The following FARP2 variants were observed in gnomAD, a reference collection of about 807,000 sequenced individuals.
The protein encoded by FARP2 is FERM, ARH/RhoGEF and pleckstrin domain protein 2, also known as FERM, ARHGEF and pleckstrin domain-containing protein 2.
A neutral mutation model predicts 130.5 loss-of-function variants in FARP2; 111 were observed. The observed-to-expected ratio is 0.85, with a 90% CI of 0.73 to 1.00. The LOEUF (loss-of-function observed/expected upper bound fraction) is 1.00. Among genes scored for constraint, FARP2 ranks in the 50% least tolerant of loss-of-function variants. FARP2 has a pLI of 0.00. For missense variants in FARP2, 1,385 were observed against 1,346.3 expected (o/e 1.03, Z -0.45); for synonymous variants, 504 against 516.9 (o/e 0.98, Z 0.34).
At chr2:241,363,651 C>T (rs1016614172) in intron 1 of FARP2, among the ~76,000 whole-genome samples, 2 of 152,186 alleles carry the variant, frequency 1.3e-5, no homozygotes, top group Non-Finnish European at 2.9e-5. Context: ...AGGCTGGCCA[C>T]CAAGCAAGTA....
chr2:241,472,896 T>C (rs1051501584), intron 18 of FARP2, among the ~76,000 whole-genome samples: 4 of 149,722 alleles, frequency 2.7e-5, no homozygotes, highest in African/African-American at 9.9e-5. Context: ...GGAACCTCTT[T>C]TGAGGGGGAT....
intron 13 of FARP2, among the ~76,000 whole-genome samples, chr2:241,455,612 C>G (rs1276006315): frequency 6.6e-6 from 1 of 151,442 alleles, no homozygotes; most frequent in Non-Finnish European, 1.5e-5. Flanking sequence ...TAACTCCTGA[C>G]GTCAGGTGGT....
intron 21 of FARP2, among the ~76,000 whole-genome samples, chr2:241,484,580 G>A (rs2064706215): frequency 6.6e-6 from 1 of 152,190 alleles, no homozygotes; most frequent in South Asian, 2.1e-4. Flanking sequence ...GGGAAACCTG[G>A]ACTCAGCCTG....
intron 2 of FARP2, among the ~76,000 whole-genome samples, chr2:241,399,329 G>A (rs554830623): frequency 2.6e-5 from 4 of 152,100 alleles, no homozygotes; most frequent in East Asian, 1.9e-4. Flanking sequence ...TTTTTGAGAC[G>A]GAGTCTAGCT....
At chr2:241,368,081 C>T (rs2061352519) in intron 1 of FARP2, among the ~76,000 whole-genome samples, 1 of 151,918 alleles carries the variant, frequency 6.6e-6, no homozygotes, top group South Asian at 2.1e-4. Context: ...GACTTTTGAG[C>T]TGAATTTTCC....
intron 1 of FARP2, among the ~76,000 whole-genome samples, chr2:241,358,564 C>T (rs904824397): frequency 1.3e-5 from 2 of 152,182 alleles, no homozygotes; most frequent in African/African-American, 4.8e-5. Flanking sequence ...ATTTTTCTTA[C>T]TGCTGCTTGT....
At chr2:241,442,044 T>A in intron 13 of FARP2, 1 of 359,304 alleles carries the variant, frequency 2.8e-6, no homozygotes, top group Non-Finnish European at 5.5e-6. Flanking sequence ...GTGACTTCAA[T>A]GGGAACGCAC....
intron 2 of FARP2, among the ~76,000 whole-genome samples, chr2:241,391,279 C>A (rs2061897447): frequency 6.6e-6 from 1 of 152,166 alleles, no homozygotes; most frequent in Non-Finnish European, 1.5e-5. Context: ...CTAAAACAAG[C>A]CAGTTAGTAG....
intron 8 of FARP2, among the ~76,000 whole-genome samples, chr2:241,422,714 A>G (rs749111845): frequency 1.1e-4 from 16 of 152,200 alleles, no homozygotes; most frequent in Non-Finnish European, 1.9e-4. Context: ...AATGCAAAGA[A>G]GCTAAGGACC....
chr2:241,480,250 ATCT>A (rs779403941), intron 19 of FARP2, among the ~76,000 whole-genome samples: 4 of 136,046 alleles, frequency 2.9e-5, no homozygotes, highest in South Asian at 2.6e-4. Flanking sequence ...CCTAGGCCTC[ATCT>A]TCTTCTTTGC....
chr2:241,385,543 G>A (rs900584223), intron 2 of FARP2, among the ~76,000 whole-genome samples: 6 of 151,962 alleles, frequency 3.9e-5, no homozygotes, highest in Admixed American at 2.0e-4. Flanking sequence ...GCAACATAGC[G>A]AAACTGTCTC....
At position 241,491,127 on chromosome 2, in the gene FARP2, C is replaced by G; in HGVS notation, c.2571C>G (p.Gly857=). The change falls in exon 23 of 27, where the codon GGC becomes GGG. Residue 857 remains glycine, a synonymous_variant. Coordinates refer to ENST00000264042, the MANE Select transcript of FARP2 (RefSeq NM_014808.4). ...LNSAIQAAKS[G]GDTAPALPGR... Reference sequence around the variant, plus strand: ...CCGCGATCCAAGCAGCCAAGAGTGGCGGTGACACGGCCCCTGCACTGCCAG... The same window carrying G: ...CCGCGATCCAAGCAGCCAAGAGTGGGGGTGACACGGCCCCTGCACTGCCAG... The G allele has an allele frequency of 6.2e-7, 1 of 1,613,280 alleles. No individual in the cohort carries two copies. Among genetic ancestry groups the G allele is most frequent in the Non-Finnish European group, 8.5e-7 (1 of 1,179,948 alleles).
At chr2:241,491,737 C>T in intron 24 of FARP2, 58 bp downstream of exon 24, 1 of 1,510,788 alleles carries the variant, frequency 6.6e-7, no homozygotes, top group Non-Finnish European at 8.9e-7. Flanking sequence ...TGTCTCTGCA[C>T]TTGGCTGCTG....
intron 4 of FARP2, among the ~76,000 whole-genome samples, chr2:241,407,240 G>A (rs1310580074): frequency 1.3e-5 from 2 of 151,580 alleles, no homozygotes; most frequent in East Asian, 3.9e-4. Flanking sequence ...TTTTTCTTTT[G>A]TTCGGAGACA....
At chr2:241,433,886 C>T (rs2063151875) in intron 9 of FARP2, among the ~76,000 whole-genome samples, 1 of 152,002 alleles carries the variant, frequency 6.6e-6, no homozygotes, top group Non-Finnish European at 1.5e-5. Context: ...ATCAGCTGGG[C>T]TTGGTGTTGT....
rs140902248 is a variant in FARP2 at position 241,436,510 on chromosome 2, G to A, written c.1130G>A (p.Arg377Gln). The stretch of plus-strand genomic sequence containing the variant: ...CACAGCAAGACCCACACGTCCGTTC[G>A]AGCTCTGACTGCAGACCTACCAAAA... ...RRHSKTHTSVRALTADLPKQS... is the reference protein window; with the variant it reads ...RRHSKTHTSVQALTADLPKQS... The change falls in exon 12 of 27, where the codon CGA becomes CAA. Residue 377 changes from arginine to glutamine, a missense_variant. By Grantham distance (43) the Arg-to-Gln change is conservative. Transcript: ENST00000264042. 1.2e-4 allele frequency: 189 copies of A among 1,614,072 alleles called. No individual in the cohort carries two copies. Among genetic ancestry groups the A allele is most frequent in the Non-Finnish European group, 1.4e-4 (168 of 1,180,044 alleles).
chr2:241,452,937 G>A lies in FARP2; in HGVS notation c.1412-3810G>A, dbSNP rs181331856. ...GCCTGGGCGACAGAGTGAGAGACTC[G>A]GTCTCAAAAAAAAAAAAGAAAAATG... On this transcript the variant is annotated intron_variant, in intron 13 of 26. Coordinates refer to ENST00000264042, the MANE Select transcript of FARP2 (RefSeq NM_014808.4). 4.8e-3 allele frequency among the ~76,000 whole-genome samples: 710 copies of A among 149,108 alleles called. 3 individuals carry two copies. Among genetic ancestry groups the A allele is most frequent in the African/African-American group, 0.017 (676 of 40,522 alleles).
intron 2 of FARP2, among the ~76,000 whole-genome samples, chr2:241,385,129 T>A (rs1477887626): frequency 6.6e-6 from 1 of 152,194 alleles, no homozygotes; most frequent in Non-Finnish European, 1.5e-5. Context: ...GATTTCGTAA[T>A]GAATCTTCAA....
chr2:241,409,976 G>A (rs2150360093), intron 5 of FARP2, among the ~76,000 whole-genome samples: 1 of 152,266 alleles, frequency 6.6e-6, no homozygotes, highest in East Asian at 1.9e-4. Context: ...TGTACATCCT[G>A]AATTTTAAGA....
Sources: gnomAD v4.1 joint callset for allele counts (sites outside exome capture counted in the v4.1 genomes callset) on GRCh38, gnomAD v4.1.1 for gene constraint, MANE v1.5 for transcripts, NCBI Gene and HGNC (gene_info 2026-07-23, HGNC 2026-07-21) for gene names.